Variants in WDR37 observed in about 807,000 individuals in gnomAD.
The protein encoded by WDR37 is WD repeat domain 37.
Under a neutral mutation model 62.9 loss-of-function variants are expected in WDR37, and 19 were observed. The observed-to-expected ratio is 0.30, with a 90% CI of 0.21 to 0.44. The LOEUF (loss-of-function observed/expected upper bound fraction) is 0.44, where lower values mean the gene tolerates loss of function less well. WDR37 is among the 20% of genes least tolerant of loss of function. WDR37 has a pLI of 1.00. For missense variants in WDR37, 474 were observed against 657.6 expected (o/e 0.72, Z 3.05); for synonymous variants, 250 against 260.9 (o/e 0.96, Z 0.40).
intron 1 of WDR37, among the ~76,000 whole-genome samples, chr10:1,070,003 C>T (rs557637042): frequency 2.6e-5 from 4 of 152,046 alleles, no homozygotes; most frequent in African/African-American, 4.8e-5. Context: ...GTCAGGAGTT[C>T]GAGACCAACC....
chr10:1,127,576 T>C (rs1835832110), intron 13 of WDR37, among the ~76,000 whole-genome samples: 1 of 152,218 alleles, frequency 6.6e-6, no homozygotes, highest in Non-Finnish European at 1.5e-5. Context: ...TATTTCCCTG[T>C]AGTGCTGGAG....
chr10:1,085,846 A>G (rs1834183704), intron 6 of WDR37, among the ~76,000 whole-genome samples: 1 of 152,248 alleles, frequency 6.6e-6, no homozygotes, highest in Non-Finnish European at 1.5e-5. Context: ...TAAAAAAATA[A>G]TGGCTATAAG....
At position 1,129,677 on chromosome 10, in the gene WDR37, C is replaced by CCGAG; in HGVS notation, c.*333_*334insCGAG. On this transcript the variant is annotated 3_prime_UTR_variant, in exon 14 of 14. Transcript: ENST00000263150. ...TACATTTGTGTGAATTAAATGTGAA[C>CCGAG]TTCTGTATTACGTTGCGGCGTCGGC... 1.0e-5 allele frequency: 2 copies of CCGAG among 196,398 alleles called. No homozygotes were observed. The highest frequency in any genetic ancestry group is 1.0e-4 in the South Asian group (1 of 9,738). 12.2% of individuals were successfully genotyped at this position (196,398 alleles called of 1,614,324 possible).
At chr10:1,075,273 C>CTT (rs61550443) in intron 2 of WDR37, among the ~76,000 whole-genome samples, 1 of 139,284 alleles carries the variant, frequency 7.2e-6, no homozygotes, top group Non-Finnish European at 1.6e-5. Context: ...ATAGCAATTC[C>CTT]TTTTTTTTTT....
chr10:1,068,405 C>T (rs968566611), intron 1 of WDR37, among the ~76,000 whole-genome samples: 9 of 149,786 alleles, frequency 6.0e-5, no homozygotes, highest in Admixed American at 1.3e-4. Flanking sequence ...TGCAGTGAGC[C>T]GAGATTGAGC....
chr10:1,057,767 A>G (rs1159117343), intron 1 of WDR37, among the ~76,000 whole-genome samples: 1 of 152,264 alleles, frequency 6.6e-6, no homozygotes, highest in East Asian at 1.9e-4. Flanking sequence ...CTTAAACGCT[A>G]AAACATTCGT....
intron 7 of WDR37, among the ~76,000 whole-genome samples, chr10:1,086,762 A>T (rs755415029): frequency 2.2e-4 from 34 of 152,346 alleles, no homozygotes; most frequent in Middle Eastern, 3.4e-3. Context: ...CCCGTAGTTA[A>T]TGCTGTCCAC....
rs1835582351 is a variant in WDR37, at chr10:1,121,623, G to A, written c.1104-2595G>A. Reference sequence around the variant, plus strand: ...TGATGCCGTGGTTTCCAGTTGGGCAGTTTCCCCCCAGGAGACAGTGTTTGT... The same window carrying A: ...TGATGCCGTGGTTTCCAGTTGGGCAATTTCCCCCCAGGAGACAGTGTTTGT... On this transcript the variant is annotated intron_variant, in intron 11 of 13. Coordinates refer to ENST00000263150, the MANE Select transcript of WDR37 (RefSeq NM_014023.4). This position sits in a 1 kb window ranked among gnomAD's most constrained non-coding sequence, Gnocchi z 4.5. 6.6e-6 allele frequency among the ~76,000 whole-genome samples: 1 copy of A among 152,200 alleles called. No individual in the cohort carries two copies. The highest frequency in any genetic ancestry group is 1.9e-4 in the East Asian group (1 of 5,194).
chr10:1,091,913 G>A (rs1231970845), intron 7 of WDR37, among the ~76,000 whole-genome samples: 4 of 152,178 alleles, frequency 2.6e-5, no homozygotes, highest in Non-Finnish European at 5.9e-5. Context: ...GGGCGCGGTG[G>A]CTCACGCCTG....
At chr10:1,095,132 A>C (rs1162986080) in intron 8 of WDR37, among the ~76,000 whole-genome samples, 1 of 145,036 alleles carries the variant, frequency 6.9e-6, no homozygotes, top group Non-Finnish European at 1.5e-5. Flanking sequence ...TGGAGAGAGG[A>C]GGGTTAGACT....
rs536725524 is a variant in WDR37 at position 1,129,583 on chromosome 10, G to C, written c.*239G>C. On this transcript the variant is annotated 3_prime_UTR_variant, in exon 14 of 14. Coordinates refer to ENST00000263150, the MANE Select transcript of WDR37 (RefSeq NM_014023.4). ...GGGTCCTCTGGGCAGTAGAGGCAAA[G>C]CTCACCTCCCATGTAGCACATGAAA... The C allele has an allele frequency of 2.2e-6, 1 of 451,248 alleles. No individual in the cohort carries two copies. Among genetic ancestry groups the C allele is most frequent in the East Asian group, 4.1e-5 (1 of 24,188 alleles). 28.0% of individuals were successfully genotyped at this position (451,248 alleles called of 1,614,324 possible).
At chr10:1,070,021 C>T (rs1296574518) in intron 1 of WDR37, among the ~76,000 whole-genome samples, 4 of 151,962 alleles carry the variant, frequency 2.6e-5, no homozygotes, top group African/African-American at 4.8e-5. Flanking sequence ...ACCTGGTCAA[C>T]GTGGCGAAAC....
intron 13 of WDR37, among the ~76,000 whole-genome samples, chr10:1,128,156 T>C (rs1589129918): frequency 6.6e-6 from 1 of 152,382 alleles, no homozygotes; most frequent in East Asian, 1.9e-4. Context: ...TCTCTCCAGA[T>C]GTATAAATAG....
rs993942359 is a variant in WDR37 at position 1,129,219 on chromosome 10, A to C, written c.1360A>C (p.Arg454=). The C allele has an allele frequency of 6.2e-7, 1 of 1,613,906 alleles. No individual in the cohort carries two copies. The highest frequency in any genetic ancestry group is 1.3e-5 in the African/African-American group (1 of 74,930). ...TTTGTTTGATCATCACTAGGGCCACAGGAGAATGGTATGCTGCTCGGCATG... is the reference window on the plus strand; with the variant it reads ...TTTGTTTGATCATCACTAGGGCCACCGGAGAATGGTATGCTGCTCGGCATG... The part of the protein sequence containing the change: ...RLPRSSRQGH[R]RMVCCSAWSE... The change falls in exon 14 of 14, where the codon AGG becomes CGG. Residue 454 remains arginine (R), a synonymous_variant. Transcript: ENST00000263150.
chr10:1,093,196 A>G (rs1834459764), intron 7 of WDR37, among the ~76,000 whole-genome samples: 1 of 152,168 alleles, frequency 6.6e-6, no homozygotes, highest in Non-Finnish European at 1.5e-5. Context: ...ATCTTTGTCT[A>G]TAAAAAGAAC....
rs1835563342 is a variant in WDR37 at position 1,121,069 on chromosome 10, C to A, written c.1104-3149C>A. 6.6e-6 allele frequency among the ~76,000 whole-genome samples: 1 copy of A among 152,228 alleles called. No homozygotes were observed. The highest frequency in any genetic ancestry group is 1.5e-5 in the Non-Finnish European group (1 of 68,048). On this transcript the variant is annotated intron_variant, in intron 11 of 13. Coordinates refer to ENST00000263150, the MANE Select transcript of WDR37 (RefSeq NM_014023.4). This position sits in a 1 kb window ranked among gnomAD's most constrained non-coding sequence, Gnocchi z 4.5. ...AGTTTGGCAGCGTCGGAACCATTTCCAGTGCACGGCCGTGCGCGCCAGCCT... is the reference window on the plus strand; with the variant it reads ...AGTTTGGCAGCGTCGGAACCATTTCAAGTGCACGGCCGTGCGCGCCAGCCT...
At chr10:1,096,807 C>T (rs557561582) in intron 9 of WDR37, among the ~76,000 whole-genome samples, 1 of 152,208 alleles carries the variant, frequency 6.6e-6, no homozygotes, top group South Asian at 2.1e-4. Flanking sequence ...GCCTCCATAG[C>T]GGCGAAGAGC....
intron 11 of WDR37, among the ~76,000 whole-genome samples, chr10:1,114,433 G>A (rs1256165671): frequency 6.6e-6 from 1 of 152,152 alleles, no homozygotes; most frequent in African/African-American, 2.4e-5. Context: ...CCCTCCACCA[G>A]CAAAAAGATT....
At chr10:1,063,320 C>G (rs1833430449) in intron 1 of WDR37, among the ~76,000 whole-genome samples, 1 of 152,204 alleles carries the variant, frequency 6.6e-6, no homozygotes, top group Non-Finnish European at 1.5e-5. Flanking sequence ...GCCTACAAAT[C>G]ACAGAACTTT....
Sources: gnomAD v4.1 joint callset for allele counts (sites outside exome capture counted in the v4.1 genomes callset) on GRCh38, gnomAD v4.1.1 for gene constraint, Gnocchi (gnomAD v3.1) non-coding constraint, MANE v1.5 for transcripts, NCBI Gene and HGNC (gene_info 2026-07-23, HGNC 2026-07-21) for gene names.